The following RPS27 variants were observed in gnomAD, a reference collection of about 807,000 sequenced individuals.
RPS27 encodes the protein small ribosomal subunit protein eS27.
In RPS27, 1 loss-of-function variant was observed where a neutral mutation model predicts 11.8. The ratio of observed to expected loss-of-function variants is 0.08; its 90% CI spans 0.03 to 0.40. RPS27 has a LOEUF of 0.40. Ranked by LOEUF, RPS27 falls within the 10% of genes least tolerant of loss-of-function variation. The pLI, the probability that RPS27 is intolerant of heterozygous loss-of-function variation, is 0.98. For synonymous variants in RPS27, 42 were observed against 33.8 expected, an observed-to-expected ratio of 1.24 and a Z score of -0.84; for missense variants, 44 against 100.1, an observed-to-expected ratio of 0.44 and a Z score of 2.39.
Position 153,991,175 on chromosome 1 carries a change from C to T in RPS27, c.67C>T (p.Arg23Cys). The T allele has an allele frequency of 6.3e-7, 1 of 1,599,822 alleles. No homozygotes were observed. The highest frequency in any genetic ancestry group is 8.5e-7 in the Non-Finnish European group (1 of 1,171,282). The change falls in exon 2 of 4, where the codon CGC becomes TGC. Residue 23 changes from arginine (R) to cysteine (C), a missense_variant. Transcript: ENST00000651669. Reference protein sequence around the residue: ...EEEKRKHKKKRLVQSPNSYFM... With the variant: ...EEEKRKHKKKCLVQSPNSYFM... ...GGAGAAGAGGAAACACAAGAAGAAA[C>T]GCCTGGTGCAGAGCCCCAATTCCTA...
rs760603632 is a variant in RPS27 at position 153,991,153 on chromosome 1, G to C, written c.45G>C (p.Glu15Asp). The C allele has an allele frequency of 6.3e-7, 1 of 1,597,982 alleles. No homozygotes were observed. Among genetic ancestry groups the C allele is most frequent in the Non-Finnish European group, 8.5e-7 (1 of 1,170,536 alleles). Residue 15 changes from glutamate (E) to aspartate (D), a missense_variant, in exon 2 of 4, where the codon GAG (glutamate) becomes GAC (aspartate). By Grantham distance (45) the Glu-to-Asp change is conservative (BLOSUM62 2). Transcript: ENST00000651669. ...KDLLHPSPEE[E>D]KRKHKKKRLV... ...TCCTTCATCCCTCTCCAGAAGAGGA[G>C]AAGAGGAAACACAAGAAGAAACGCC... is the stretch of plus-strand genomic sequence containing the variant.
chr1:153,991,281 TTGTAG>T, intron 2 of RPS27, 58 bp downstream of exon 2: 1 of 1,560,984 alleles, frequency 6.4e-7, no homozygotes, highest in Non-Finnish European at 8.7e-7. Flanking sequence ...TTGGAAAATG[TTGTAG>T]TGTTAGCTGT....
Position 153,991,585 on chromosome 1 carries a change from G to C in RPS27, c.135G>C (p.Thr45=), listed in dbSNP as rs757498323. 6 of 1,612,514 alleles carry C rather than the reference G, an allele frequency of 3.7e-6. No homozygotes were observed. The highest frequency in any genetic ancestry group is 5.1e-6 in the Non-Finnish European group (6 of 1,178,844). ...VKCPGCYKIT[T]VFSHAQTVVL... ...TTTCAGGATGCTATAAAATCACCACGGTCTTTAGCCATGCACAAACGGTAG... is the reference window on the plus strand; with the variant it reads ...TTTCAGGATGCTATAAAATCACCACCGTCTTTAGCCATGCACAAACGGTAG... Residue 45 remains threonine, a synonymous_variant, in exon 3 of 4, where the codon ACG becomes ACC. Transcript: ENST00000651669.
chr1:153,991,786 A>G, intron 3 of RPS27, 110 bp downstream of exon 3: 1 of 739,398 alleles, frequency 1.4e-6, no homozygotes, highest in Non-Finnish European at 2.3e-6. Flanking sequence ...TATAATGTAA[A>G]TTTTTAGACA....
intron 3 of RPS27, 100 bp from the exon 4 acceptor site, chr1:153,991,965 T>C (rs1406329450): frequency 2.8e-6 from 3 of 1,087,902 alleles, no homozygotes; most frequent in Admixed American, 3.7e-5. Context: ...AAAAAAGATG[T>C]AGCTTTCTGT....
chr1:153,991,315 TGCAGCA>T, intron 2 of RPS27, 92 bp downstream of exon 2: 1 of 1,535,678 alleles, frequency 6.5e-7, no homozygotes, highest in East Asian at 2.4e-5. Flanking sequence ...CTTGAAGCTG[TGCAGCA>T]GCTTCAGTTT....
intron 2 of RPS27, 36 bp downstream of exon 2, chr1:153,991,259 G>A (rs1208840747): frequency 1.3e-6 from 2 of 1,572,914 alleles, no homozygotes; most frequent in African/African-American, 1.4e-5. Context: ...GGAAAGCACT[G>A]GACCTCAACA....
At chr1:153,990,917 A>T (rs1296598990) in intron 1 of RPS27, 115 bp downstream of exon 1, 3 of 1,470,866 alleles carry the variant, frequency 2.0e-6, no homozygotes, top group Non-Finnish European at 9.5e-7. Flanking sequence ...TTCTTAGGAC[A>T]TTAACTCCAG....
chr1:153,990,944 C>T (rs1409988181), intron 1 of RPS27, 142 bp downstream of exon 1: 4 of 1,319,370 alleles, frequency 3.0e-6, no homozygotes, highest in East Asian at 2.4e-5. Context: ...CAGCGGCCCA[C>T]GGGCCACCCG....
chr1:153,992,042 ATC>A (rs1649441439), intron 3 of RPS27, 21 bp from the exon 4 acceptor site: 2 of 1,612,388 alleles, frequency 1.2e-6, no homozygotes, highest in African/African-American at 2.7e-5. Context: ...ATGACAGCTA[ATC>A]TCTGAATCTT....
At chr1:153,991,934 C>G (rs575235151) in intron 3 of RPS27, 131 bp from the exon 4 acceptor site, 624 of 852,928 alleles carry the variant, frequency 7.3e-4, no homozygotes, top group Non-Finnish European at 1.0e-3. Context: ...GATACAAATG[C>G]GCAGGTAGCT....
chr1:153,991,046 TG>T, intron 1 of RPS27, 68 bp from the exon 2 acceptor site: 1 of 1,287,646 alleles, frequency 7.8e-7, no homozygotes, highest in Admixed American at 2.3e-5. Flanking sequence ...TGTGTGACAG[TG>T]GGGGCTATTT....
rs751304609 is a variant in RPS27 at position 153,990,776 on chromosome 1, A to T, written c.-21A>T. On this transcript the variant is annotated 5_prime_UTR_variant, in exon 1 of 4. Coordinates refer to ENST00000651669, the MANE Select transcript of RPS27 (RefSeq NM_001030.6). ...CCGCTTTCGCTCCTTTCCGGCGGTG[A>T]CGACCTACGCACACGAGAACATGCC... The T allele has an allele frequency of 6.2e-7, 1 of 1,614,048 alleles. No individual in the cohort carries two copies. Among genetic ancestry groups the T allele is most frequent in the African/African-American group, 1.3e-5 (1 of 74,914 alleles).
intron 3 of RPS27, 97 bp from the exon 4 acceptor site, chr1:153,991,968 C>T (rs1376553098): frequency 2.7e-6 from 3 of 1,113,426 alleles, no homozygotes; most frequent in South Asian, 1.3e-5. Flanking sequence ...AAAGATGTAG[C>T]TTTCTGTGGG....
chr1:153,991,268 C>T, intron 2 of RPS27, 45 bp downstream of exon 2: 1 of 1,567,284 alleles, frequency 6.4e-7, no homozygotes, highest in African/African-American at 1.4e-5. Context: ...TGGACCTCAA[C>T]AGTTGGAAAA....
rs1225715203 is a variant in RPS27, at chr1:153,991,567, A to G, written c.117A>G (p.Gly39=). The G allele has an allele frequency of 1.9e-6, 3 of 1,609,914 alleles. No individual in the cohort carries two copies. The highest frequency in any genetic ancestry group is 1.3e-5 in the African/African-American group (1 of 74,964). ...NSYFMDVKCP[G]CYKITTVFSH... Reference sequence around the variant, plus strand: ...AAATGTTATCTGCTTTTCTTTCAGGATGCTATAAAATCACCACGGTCTTTA... The same window carrying G: ...AAATGTTATCTGCTTTTCTTTCAGGGTGCTATAAAATCACCACGGTCTTTA... The change falls in exon 3 of 4, where the codon GGA becomes GGG. Residue 39 remains glycine, a splice_region_variant and synonymous_variant. Transcript: ENST00000651669.
intron 2 of RPS27, 136 bp downstream of exon 2, chr1:153,991,359 A>G (rs1557895850): frequency 7.9e-6 from 12 of 1,512,322 alleles, no homozygotes. Context: ...ATTTTCCCTG[A>G]TACTCTTAAA....
At chr1:153,991,305 C>T (rs1315180676) in intron 2 of RPS27, 82 bp downstream of exon 2, 1 of 1,548,530 alleles carries the variant, frequency 6.5e-7, no homozygotes, top group South Asian at 1.2e-5. Context: ...GTCTCGTATC[C>T]TTGAAGCTGT....
Position 153,991,238 on chromosome 1 carries a change from T to C in RPS27, c.115+15T>C. On this transcript the variant is annotated intron_variant, in intron 2 of 3. Coordinates refer to ENST00000651669, the MANE Select transcript of RPS27 (RefSeq NM_001030.6). ...GAAATGCCCAGGTGAGGAGACGGCT[T>C]GCTGTAGTGGGGAAAGCACTGGACC... 1.3e-6 allele frequency: 2 copies of C among 1,587,298 alleles called. No individual in the cohort carries two copies. The highest frequency in any genetic ancestry group is 1.7e-6 in the Non-Finnish European group (2 of 1,163,372).
Sources: allele counts gnomAD v4.1 joint callset, GRCh38; gene constraint gnomAD v4.1.1; transcripts MANE v1.5; gene names NCBI Gene and HGNC (gene_info 2026-07-23, HGNC 2026-07-21).